The following SH3GL2 variants were observed in gnomAD, a reference collection of about 807,000 sequenced individuals.
SH3GL2 encodes SH3 domain containing GRB2 like 2, endophilin A1.
A neutral mutation model predicts 46.0 loss-of-function variants in SH3GL2; 24 were observed. That is an observed-to-expected ratio of 0.52 (90% CI 0.38 to 0.73). SH3GL2 has a LOEUF of 0.73. Among genes scored for constraint, SH3GL2 ranks in the 30% least tolerant of loss-of-function variants. The probability of loss-of-function intolerance (pLI) is 0.00; values close to 1 mark genes in which losing one functional copy is unlikely to be tolerated. For missense variants in SH3GL2, 413 were observed against 424.2 expected, an observed-to-expected ratio of 0.97 and a Z score of 0.23; for synonymous variants, 196 against 147.1, an observed-to-expected ratio of 1.33 and a Z score of -2.40.
chr9:17,738,641 T>TATAGAGAGAGAGAGAG (rs376280314), intron 1 of SH3GL2, among the ~76,000 whole-genome samples: 61 of 88,876 alleles, frequency 6.9e-4, no homozygotes, highest in Non-Finnish European at 1.1e-3. Flanking sequence ...TATATATATA[T>TATAGAGAGAGAGAGAG]AGAGAGAGAG....
intron 3 of SH3GL2, among the ~76,000 whole-genome samples, chr9:17,774,463 C>G (rs1345952864): frequency 6.6e-6 from 1 of 151,694 alleles, no homozygotes; most frequent in Middle Eastern, 3.2e-3. Context: ...TAATTTCTTC[C>G]TATTCCTAGC....
At chr9:17,665,972 GTCC>G (rs1040051060) in intron 1 of SH3GL2, among the ~76,000 whole-genome samples, 7 of 150,244 alleles carry the variant, frequency 4.7e-5, no homozygotes, top group African/African-American at 1.7e-4. Flanking sequence ...CATTGCAGTA[GTCC>G]TCCTTTCCAT....
At chr9:17,726,389 G>A (rs770678901) in intron 1 of SH3GL2, among the ~76,000 whole-genome samples, 6 of 152,130 alleles carry the variant, frequency 3.9e-5, no homozygotes, top group Non-Finnish European at 8.8e-5. Flanking sequence ...ATAAACGTCT[G>A]AATGAATGAA....
At chr9:17,663,334 G>A (rs917780816) in intron 1 of SH3GL2, among the ~76,000 whole-genome samples, 3 of 151,996 alleles carry the variant, frequency 2.0e-5, no homozygotes, top group East Asian at 3.9e-4. Context: ...TATTAGATTT[G>A]CTTTTTTACT....
At chr9:17,609,708 T>G (rs905474089) in intron 1 of SH3GL2, among the ~76,000 whole-genome samples, 2 of 152,228 alleles carry the variant, frequency 1.3e-5, no homozygotes, top group African/African-American at 2.4e-5. Flanking sequence ...ATTGAGAATG[T>G]GGGAAAACAT....
intron 1 of SH3GL2, among the ~76,000 whole-genome samples, chr9:17,731,424 A>G (rs1822178013): frequency 6.8e-6 from 1 of 147,184 alleles, no homozygotes; most frequent in Admixed American, 6.7e-5. Context: ...GGTAGGGAAG[A>G]GAGAGAGAGA....
At chr9:17,619,064 A>T (rs1277521163) in intron 1 of SH3GL2, among the ~76,000 whole-genome samples, 1 of 152,202 alleles carries the variant, frequency 6.6e-6, no homozygotes, top group Non-Finnish European at 1.5e-5. Context: ...TGTGCGCTAG[A>T]TACAATTCTC....
intron 1 of SH3GL2, among the ~76,000 whole-genome samples, chr9:17,619,996 TCAGA>T (rs1819101329): frequency 1.3e-5 from 2 of 152,150 alleles, no homozygotes; most frequent in African/African-American, 2.4e-5. Context: ...TCTGAGAAAA[TCAGA>T]CAGATGATTG....
At chr9:17,752,005 G>A (rs1029408195) in intron 2 of SH3GL2, among the ~76,000 whole-genome samples, 4 of 151,256 alleles carry the variant, frequency 2.6e-5, no homozygotes, top group African/African-American at 9.7e-5. Flanking sequence ...TTCATTAAAG[G>A]TAATGACCAA....
chr9:17,761,000 G>T (rs990380663), intron 2 of SH3GL2, among the ~76,000 whole-genome samples: 1 of 152,134 alleles, frequency 6.6e-6, no homozygotes, highest in African/African-American at 2.4e-5. Flanking sequence ...ATATTTTTAG[G>T]ATGTTCTTAG....
rs970997251 is a variant in SH3GL2 at position 17,601,309 on chromosome 9, A to G, written c.45+22022A>G. ...GCAAGATGGGTGAAAGGTGGAAAAA[A>G]TAAACACAGGGCTTAATGTTGAGAG... On this transcript the variant is annotated intron_variant, in intron 1 of 8. Coordinates refer to ENST00000380607, the MANE Select transcript of SH3GL2 (RefSeq NM_003026.5). Among the ~76,000 whole-genome samples, 8 of 152,096 alleles carry G rather than the reference A, an allele frequency of 5.3e-5. No individual in the cohort carries two copies. The East Asian group carries it at 1.5e-3, about 29-fold the overall frequency.
At chr9:17,624,693 A>G (rs1213045241) in intron 1 of SH3GL2, among the ~76,000 whole-genome samples, 2 of 152,054 alleles carry the variant, frequency 1.3e-5, no homozygotes, top group African/African-American at 4.8e-5. Context: ...ACTTTTGACA[A>G]ATTTTTCACT....
intron 1 of SH3GL2, among the ~76,000 whole-genome samples, chr9:17,719,530 A>G (rs1821841248): frequency 6.6e-6 from 1 of 152,132 alleles, no homozygotes; most frequent in East Asian, 1.9e-4. Context: ...TCATGCCTGT[A>G]ATCCCAACAC....
intron 1 of SH3GL2, among the ~76,000 whole-genome samples, chr9:17,666,661 A>G (rs1335614048): frequency 6.6e-6 from 1 of 151,162 alleles, no homozygotes; most frequent in African/African-American, 2.4e-5. Context: ...CAGTTTTCTA[A>G]ATATTGGCAT....
At chr9:17,771,753 C>T (rs1262869804) in intron 3 of SH3GL2, among the ~76,000 whole-genome samples, 3 of 152,160 alleles carry the variant, frequency 2.0e-5, no homozygotes, top group Non-Finnish European at 4.4e-5. Context: ...TGTACTACAG[C>T]ACAGGGTCTT....
intron 1 of SH3GL2, among the ~76,000 whole-genome samples, chr9:17,728,213 A>C (rs371713071): frequency 1.3e-5 from 2 of 152,094 alleles, no homozygotes; most frequent in South Asian, 4.1e-4. Context: ...GTGGTGCTTA[A>C]AATCTGGTTT....
intron 1 of SH3GL2, among the ~76,000 whole-genome samples, chr9:17,580,526 C>T (rs1818257380): frequency 6.6e-6 from 1 of 152,170 alleles, no homozygotes; most frequent in Non-Finnish European, 1.5e-5. Context: ...TCAATTATAC[C>T]TGTCAACTTA....
chr9:17,708,908 G>A (rs1821546190), intron 1 of SH3GL2, among the ~76,000 whole-genome samples: 1 of 151,880 alleles, frequency 6.6e-6, no homozygotes, highest in Admixed American at 6.6e-5. Flanking sequence ...GGCTTGTTAG[G>A]TTTCACTTAA....
At position 17,729,444 on chromosome 9, in the gene SH3GL2, T is replaced by C. The variant is rs555987790; in HGVS notation, c.46-17622T>C. Reference sequence around the variant, plus strand: ...TTCATTCTGATAGTTTCTTTTGCTCTACAGAAGCTCTTCAGTTTAATTAGA... The same window carrying C: ...TTCATTCTGATAGTTTCTTTTGCTCCACAGAAGCTCTTCAGTTTAATTAGA... On this transcript the variant is annotated intron_variant, in intron 1 of 8. Coordinates refer to ENST00000380607, the MANE Select transcript of SH3GL2 (RefSeq NM_003026.5). Among the ~76,000 whole-genome samples, 22 of 152,348 alleles carry C rather than the reference T, an allele frequency of 1.4e-4. 1 individual carries two copies. In the East Asian group the frequency reaches 4.2e-3, roughly 29 times the overall value.
Sources: allele counts gnomAD v4.1 joint callset (sites outside exome capture counted in the v4.1 genomes callset), GRCh38; gene constraint gnomAD v4.1.1; transcripts MANE v1.5; gene names NCBI Gene and HGNC (gene_info 2026-07-23, HGNC 2026-07-21).